Variants in PDE4D observed in about 807,000 individuals in gnomAD.
PDE4D encodes phosphodiesterase 4D, also known as 3',5'-cyclic-AMP phosphodiesterase 4D.
In PDE4D, 24 loss-of-function variants were observed where a neutral mutation model predicts 87.4. That is an observed-to-expected ratio of 0.27 (90% CI 0.20 to 0.39). PDE4D has a LOEUF of 0.39. Among genes scored for constraint, PDE4D ranks in the 10% least tolerant of loss-of-function variants. The pLI, the probability that PDE4D is intolerant of heterozygous loss-of-function variation, is 1.00. For missense variants in PDE4D, 714 were observed against 1,041.0 expected (o/e 0.69, Z 4.32); for synonymous variants, 384 against 383.2 (o/e 1.00, Z -0.02).
chr5:59,695,609 A>AT lies in PDE4D; in HGVS notation c.455+197558dup, dbSNP rs201399601. Among the ~76,000 whole-genome samples, 437 of 151,656 alleles carry AT rather than the reference A, an allele frequency of 2.9e-3. 4 individuals are homozygous for AT. The highest frequency in any genetic ancestry group is 8.9e-3 in the African/African-American group (366 of 41,314). Reference sequence around the variant, plus strand: ...AATGGTGTGTATTTGATTTTATTCTATTTTTTTTCTTTTTGAGACATGGTC... The same window carrying AT: ...AATGGTGTGTATTTGATTTTATTCTATTTTTTTTTCTTTTTGAGACATGGTC... On this transcript the variant is annotated intron_variant, in intron 1 of 14. Coordinates refer to ENST00000340635, the MANE Select transcript of PDE4D (RefSeq NM_001104631.2).
At chr5:59,415,006 A>G (rs1793358308) in intron 1 of PDE4D, among the ~76,000 whole-genome samples, 1 of 152,252 alleles carries the variant, frequency 6.6e-6, no homozygotes, top group Admixed American at 6.5e-5. Context: ...ACTCAGTAGC[A>G]GCATCCAGAG....
chr5:59,747,176 C>T (rs1202648912), intron 1 of PDE4D, among the ~76,000 whole-genome samples: 1 of 152,146 alleles, frequency 6.6e-6, no homozygotes, highest in African/African-American at 2.4e-5. Context: ...GCGTCTCTCC[C>T]TACCTTCTCT....
intron 1 of PDE4D, among the ~76,000 whole-genome samples, chr5:60,433,939 A>G (rs1467604138): frequency 1.3e-5 from 2 of 152,136 alleles, no homozygotes; most frequent in African/African-American, 4.8e-5. Context: ...GGGTAGGAGG[A>G]AGGTGATGAT....
intron 1 of PDE4D, among the ~76,000 whole-genome samples, chr5:60,486,996 G>A (rs1583915657): frequency 6.6e-6 from 1 of 152,130 alleles, no homozygotes; most frequent in Non-Finnish European, 1.5e-5. Context: ...TTTTATGATA[G>A]GCTAGGGGAA....
chr5:60,078,819 C>T (rs778288605), intron 2 of PDE4D, among the ~76,000 whole-genome samples: 2 of 152,108 alleles, frequency 1.3e-5, no homozygotes, highest in African/African-American at 2.4e-5. Context: ...CATGTCTTTG[C>T]TATTGTAAAT....
chr5:59,526,811 A>G (rs140604484), intron 1 of PDE4D, among the ~76,000 whole-genome samples: 2,320 of 152,186 alleles, frequency 0.015, 71 homozygotes, highest in African/African-American at 0.054. Flanking sequence ...TTTTTTGTAC[A>G]TATGGTGTTT....
At chr5:59,584,911 G>T (rs1040344264) in intron 1 of PDE4D, among the ~76,000 whole-genome samples, 6 of 152,142 alleles carry the variant, frequency 3.9e-5, no homozygotes, top group African/African-American at 1.4e-4. Context: ...CTGTTTCCAG[G>T]ATCTTTTAAT....
intron 2 of PDE4D, among the ~76,000 whole-genome samples, chr5:60,125,583 C>A (rs7733728): frequency 6.6e-6 from 1 of 151,662 alleles, no homozygotes; most frequent in African/African-American, 2.4e-5. Flanking sequence ...AAGACCCAAG[C>A]GGGGAGACAA....
chr5:59,044,309 A>G (rs1760252533), intron 5 of PDE4D, among the ~76,000 whole-genome samples: 1 of 152,256 alleles, frequency 6.6e-6, no homozygotes, highest in South Asian at 2.1e-4. Flanking sequence ...ATGGCCAGTC[A>G]TGATGAGCAC....
At chr5:59,157,046 G>A (rs150998748) in intron 5 of PDE4D, 5 of 313,802 alleles carry the variant, frequency 1.6e-5, no homozygotes, top group African/African-American at 6.5e-5. Context: ...AAAGCCACAT[G>A]TATGTTGTTT....
intron 2 of PDE4D, among the ~76,000 whole-genome samples, chr5:60,097,232 G>A (rs369832259): frequency 1.4e-5 from 2 of 142,720 alleles, no homozygotes; most frequent in African/African-American, 5.1e-5. Flanking sequence ...CATTGGCCGT[G>A]TACCTAGATA....
At chr5:59,954,112 A>AT (rs1166590093) in intron 3 of PDE4D, among the ~76,000 whole-genome samples, 9 of 41,500 alleles carry the variant, frequency 2.2e-4, no homozygotes, top group African/African-American at 6.0e-4. Flanking sequence ...TTTAGGAGAG[A>AT]CGGGTTTCAC....
intron 2 of PDE4D, among the ~76,000 whole-genome samples, chr5:59,201,219 C>T (rs1747282244): frequency 6.6e-6 from 1 of 152,006 alleles, no homozygotes; most frequent in Admixed American, 6.5e-5. Context: ...ATTAAATATA[C>T]ATAAGACAAA....
Position 59,452,396 on chromosome 5 carries a change from A to T in PDE4D, c.456-236428T>A, listed in dbSNP as rs189083896. On this transcript the variant is annotated intron_variant, in intron 1 of 14. Transcript: ENST00000340635. ...ATAGATCTGATTCATTGCACTGGTG[A>T]TGGAAGAGTTGAAATGCCAAATAGG... 2.6e-5 allele frequency among the ~76,000 whole-genome samples: 4 copies of T among 152,284 alleles called. No individual in the cohort carries two copies. The East Asian group carries it at 7.7e-4, about 29-fold the overall frequency.
At chr5:59,264,874 C>G (rs527831580) in intron 1 of PDE4D, among the ~76,000 whole-genome samples, 1 of 152,020 alleles carries the variant, frequency 6.6e-6, no homozygotes, top group Non-Finnish European at 1.5e-5. Context: ...ACAGACCTAA[C>G]CAGATCTCTA....
intron 5 of PDE4D, among the ~76,000 whole-genome samples, chr5:59,142,695 G>A (rs1778058018): frequency 6.6e-6 from 1 of 152,248 alleles, no homozygotes; most frequent in Non-Finnish European, 1.5e-5. Flanking sequence ...CCAGCACTTT[G>A]GGAGGCCCAG....
chr5:60,235,778 G>C (rs1369429928), intron 1 of PDE4D, among the ~76,000 whole-genome samples: 1 of 151,600 alleles, frequency 6.6e-6, no homozygotes, highest in Non-Finnish European at 1.5e-5. Context: ...AGAGTTTGAG[G>C]GTGCAAATGC....
chr5:60,103,137 T>C (rs1004079416), intron 2 of PDE4D, among the ~76,000 whole-genome samples: 3 of 152,188 alleles, frequency 2.0e-5, no homozygotes, highest in South Asian at 4.1e-4. Context: ...CTACAGCTCC[T>C]AGAAGAACAA....
chr5:59,146,439 TA>T (rs1434454991), intron 5 of PDE4D, among the ~76,000 whole-genome samples: 4 of 152,112 alleles, frequency 2.6e-5, no homozygotes, highest in East Asian at 3.9e-4. Context: ...TATTTTCAAT[TA>T]AAAAAAGTTC....
Sources: gnomAD v4.1 joint callset for allele counts (sites outside exome capture counted in the v4.1 genomes callset) on GRCh38, gnomAD v4.1.1 for gene constraint, MANE v1.5 for transcripts, NCBI Gene and HGNC (gene_info 2026-07-23, HGNC 2026-07-21) for gene names.